Variants in KBTBD12 observed in about 807,000 individuals in gnomAD.
KBTBD12 encodes the protein kelch repeat and BTB domain-containing protein 12.
A neutral mutation model predicts 58.7 loss-of-function variants in KBTBD12; 53 were observed. The observed-to-expected ratio is 0.90, with a 90% CI of 0.72 to 1.14. The LOEUF is 1.14. KBTBD12 is among the 50% of genes most tolerant of loss of function. The pLI is 0.00. For missense variants in KBTBD12, 704 were observed against 751.3 expected (o/e 0.94, Z 0.74); for synonymous variants, 236 against 259.8 (o/e 0.91, Z 0.88).
intron 1 of KBTBD12, among the ~76,000 whole-genome samples, chr3:127,915,980 CGTTTAA>C (rs1286415244): frequency 6.6e-6 from 1 of 152,178 alleles, no homozygotes; most frequent in African/African-American, 2.4e-5. Context: ...TAGAAGGGTT[CGTTTAA>C]GTTTAATAAA....
chr3:127,949,334 G>A (rs1940156301), intron 4 of KBTBD12, among the ~76,000 whole-genome samples: 1 of 152,172 alleles, frequency 6.6e-6, no homozygotes, highest in African/African-American at 2.4e-5. Context: ...TGAAACAGTA[G>A]CAGGAGGGGA....
intron 5 of KBTBD12, among the ~76,000 whole-genome samples, chr3:127,979,674 A>G (rs1172374648): frequency 6.6e-6 from 1 of 152,244 alleles, no homozygotes; most frequent in East Asian, 1.9e-4. Flanking sequence ...AGATTACAGA[A>G]CATTTCCCTC....
chr3:127,930,233 C>T lies in KBTBD12; in HGVS notation c.1442C>T (p.Ser481Phe). The change falls in exon 4 of 6, where the codon TCT (serine) becomes TTT (phenylalanine). Residue 481 changes from serine to phenylalanine, a missense_variant. Transcript: ENST00000405109. ...QWSVRAPMKYSKYRFSTAVVN... is the reference protein window; with the variant it reads ...QWSVRAPMKYFKYRFSTAVVN... ...AGTGTGCGGGCACCCATGAAGTACT[C>T]TAAGTACCGATTCAGTACAGCTGTA... The T allele has an allele frequency of 6.2e-7, 1 of 1,611,066 alleles. No homozygotes were observed. The highest frequency in any genetic ancestry group is 1.3e-5 in the African/African-American group (1 of 74,960).
chr3:127,939,712 C>T (rs1939911418), intron 4 of KBTBD12, among the ~76,000 whole-genome samples: 1 of 151,008 alleles, frequency 6.6e-6, no homozygotes, highest in South Asian at 2.1e-4. Flanking sequence ...CACAGAGAGA[C>T]CAAACAAAGC....
intron 1 of KBTBD12, among the ~76,000 whole-genome samples, chr3:127,918,920 A>G (rs1456284240): frequency 6.6e-6 from 1 of 152,146 alleles, no homozygotes; most frequent in Non-Finnish European, 1.5e-5. Context: ...AATGTGGGGT[A>G]ATAACTTTAT....
intron 5 of KBTBD12, among the ~76,000 whole-genome samples, chr3:127,980,071 C>T (rs192841297): frequency 6.6e-6 from 1 of 152,166 alleles, no homozygotes; most frequent in East Asian, 1.9e-4. Flanking sequence ...ATTTGAACTG[C>T]ACCAGAAATC....
At position 127,923,233 on chromosome 3, in the gene KBTBD12, G is replaced by T; in HGVS notation, c.172G>T (p.Ala58Ser). 1 of 1,613,818 alleles carries T rather than the reference G, an allele frequency of 6.2e-7. No individual in the cohort carries two copies. The highest frequency in any genetic ancestry group is 1.1e-5 in the South Asian group (1 of 91,058). ...VLAAFSPYFK[A>S]MFTCGLLECN... The stretch of plus-strand genomic sequence containing the variant: ...GGCTGCATTTAGCCCTTATTTCAAA[G>T]CTATGTTCACCTGTGGACTACTTGA... The change falls in exon 2 of 6, where the codon GCT (alanine) becomes TCT (serine). Residue 58 changes from alanine (A) to serine (S), a missense_variant. Coordinates refer to ENST00000405109, the MANE Select transcript of KBTBD12 (RefSeq NM_207335.4).
At chr3:127,937,241 T>C (rs1310364310) in intron 4 of KBTBD12, among the ~76,000 whole-genome samples, 2 of 151,956 alleles carry the variant, frequency 1.3e-5, no homozygotes, top group East Asian at 3.9e-4. Flanking sequence ...ATACTGGAAG[T>C]GTCAGACAAA....
intron 4 of KBTBD12, among the ~76,000 whole-genome samples, chr3:127,949,395 CT>C (rs1301599143): frequency 6.6e-6 from 1 of 152,116 alleles, no homozygotes; most frequent in South Asian, 2.1e-4. Flanking sequence ...AAATGCCATG[CT>C]TTGGAATTCA....
chr3:127,963,396 C>T lies in KBTBD12; in HGVS notation c.1690+10C>T, dbSNP rs1231493825. 1 of 1,578,852 alleles carries T rather than the reference C, an allele frequency of 6.3e-7. No homozygotes were observed. The highest frequency in any genetic ancestry group is 2.3e-5 in the East Asian group (1 of 44,060). On this transcript the variant is annotated intron_variant, in intron 5 of 5. Coordinates refer to ENST00000405109, the MANE Select transcript of KBTBD12 (RefSeq NM_207335.4). Reference sequence around the variant, plus strand: ...GGATTCCATGGAGCAGGTATGGGTCCAGTTTTAAACATTTTGTTACCTCCT... The same window carrying T: ...GGATTCCATGGAGCAGGTATGGGTCTAGTTTTAAACATTTTGTTACCTCCT...
At chr3:127,976,338 T>C (rs115909634) in intron 5 of KBTBD12, among the ~76,000 whole-genome samples, 2,304 of 152,350 alleles carry the variant, frequency 0.015, 29 homozygotes, top group South Asian at 0.048. Flanking sequence ...TGACATGTCT[T>C]CTCAGTTTTC....
intron 4 of KBTBD12, among the ~76,000 whole-genome samples, chr3:127,953,516 C>A (rs143955310): frequency 6.6e-6 from 1 of 152,172 alleles, no homozygotes; most frequent in Non-Finnish European, 1.5e-5. Flanking sequence ...ATTGTATTAC[C>A]GGACATTGTG....
rs1939464491 is a variant in KBTBD12, at chr3:127,923,197, A to G, written c.136A>G (p.Arg46Gly). 1.2e-6 allele frequency: 2 copies of G among 1,613,786 alleles called. No homozygotes were observed. The highest frequency in any genetic ancestry group is 2.7e-5 in the African/African-American group (2 of 74,936). ...AGAAGGAGAGAAATTTCCTTGCCAC[A>G]GACTGGTCCTGGCTGCATTTAGCCC... is the stretch of plus-strand genomic sequence containing the variant. The part of the protein sequence containing the change: ...TAEGEKFPCH[R>G]LVLAAFSPYF... The change falls in exon 2 of 6, where the codon AGA (arginine) becomes GGA (glycine). Residue 46 changes from arginine to glycine, a missense_variant. Transcript: ENST00000405109.
chr3:127,926,652 C>A (rs1939573722), intron 2 of KBTBD12, among the ~76,000 whole-genome samples: 1 of 152,108 alleles, frequency 6.6e-6, no homozygotes. Context: ...GCCTAGACAA[C>A]TGGAAAAAAC....
intron 4 of KBTBD12, among the ~76,000 whole-genome samples, chr3:127,960,150 C>T (rs1427735263): frequency 1.3e-5 from 2 of 152,162 alleles, no homozygotes; most frequent in East Asian, 1.9e-4. Flanking sequence ...ACTTGGGCAG[C>T]GAGTACCACT....
chr3:127,958,872 C>T (rs1940372296), intron 4 of KBTBD12, among the ~76,000 whole-genome samples: 1 of 152,158 alleles, frequency 6.6e-6, no homozygotes, highest in African/African-American at 2.4e-5. Context: ...AGAATGGCCA[C>T]AGTACATGGG....
intron 4 of KBTBD12, among the ~76,000 whole-genome samples, chr3:127,938,305 G>C (rs1389708643): frequency 1.3e-5 from 2 of 152,092 alleles, no homozygotes; most frequent in Non-Finnish European, 2.9e-5. Flanking sequence ...GGGGTGAGTG[G>C]AGTGAAAGTG....
intron 4 of KBTBD12, among the ~76,000 whole-genome samples, chr3:127,957,719 C>G (rs1940347238): frequency 6.6e-6 from 1 of 152,088 alleles, no homozygotes; most frequent in Admixed American, 6.6e-5. Flanking sequence ...CCCATGCATT[C>G]TGTTCAGTGT....
intron 3 of KBTBD12, 33 bp downstream of exon 3, chr3:127,928,067 G>A: frequency 6.3e-7 from 1 of 1,575,704 alleles, no homozygotes; most frequent in Non-Finnish European, 8.7e-7. Flanking sequence ...TAATTGGCAT[G>A]GCTATACTGA....
Sources: allele counts gnomAD v4.1 joint callset (sites outside exome capture counted in the v4.1 genomes callset), GRCh38; gene constraint gnomAD v4.1.1; transcripts MANE v1.5; gene names NCBI Gene and HGNC (gene_info 2026-07-23, HGNC 2026-07-21).